PHACTR2: variants seen among roughly 807,000 people sequenced by gnomAD.
PHACTR2 encodes phosphatase and actin regulator 2.
PHACTR2 carries 30 observed loss-of-function variants against 76.0 expected under a neutral mutation model. That is an observed-to-expected ratio of 0.39 (90% confidence interval 0.30 to 0.54). The LOEUF (loss-of-function observed/expected upper bound fraction) is 0.54. Among genes scored for constraint, PHACTR2 ranks in the 20% least tolerant of loss-of-function variants. The probability of loss-of-function intolerance (pLI) is 0.61; values close to 1 mark genes in which losing one functional copy is unlikely to be tolerated. For synonymous variants in PHACTR2, 292 were observed against 292.5 expected (o/e 1.00, Z 0.02); for missense variants, 696 against 781.1 (o/e 0.89, Z 1.30).
Position 143,712,000 on chromosome 6 carries a change from A to G in PHACTR2, c.47-16A>G, listed in dbSNP as rs114435394. 3.8e-4 allele frequency: 616 copies of G among 1,602,798 alleles called. 1 individual carries two copies. The African/African-American group carries it at 7.5e-3, about 19-fold the overall frequency. Reference sequence around the variant, plus strand: ...TTTTTTACAACCTTTCTCTGTCTATATCTTTCTTTATACAGTTGACGGACT... The same window carrying G: ...TTTTTTACAACCTTTCTCTGTCTATGTCTTTCTTTATACAGTTGACGGACT... On this transcript the variant is annotated splice_polypyrimidine_tract_variant and intron_variant, in intron 1 of 12. Transcript: ENST00000440869.
chr6:143,733,251 C>T lies in PHACTR2; in HGVS notation c.215-15734C>T, dbSNP rs1024924889. Among the ~76,000 whole-genome samples the T allele has an allele frequency of 1.5e-4, 23 of 151,978 alleles. No individual in the cohort carries two copies. Among genetic ancestry groups the T allele is most frequent in the Admixed American group, 3.3e-4 (5 of 15,252 alleles). ...TTTCATTTTCCATAGCACATTTTACCGTCTAACATCTATAAATTATTTCTA... is the reference window on the plus strand; with the variant it reads ...TTTCATTTTCCATAGCACATTTTACTGTCTAACATCTATAAATTATTTCTA... On this transcript the variant is annotated intron_variant, in intron 2 of 12. Transcript: ENST00000440869. This position sits in a 1 kb window ranked among gnomAD's most constrained non-coding sequence, Gnocchi z 4.0.
rs1393080741 is a variant in PHACTR2 at position 143,791,378 on chromosome 6, T to G, written c.1845+2468T>G. 1.3e-5 allele frequency among the ~76,000 whole-genome samples: 2 copies of G among 152,236 alleles called. No homozygotes were observed. Among genetic ancestry groups the G allele is most frequent in the African/African-American group, 2.4e-5 (1 of 41,464 alleles). On this transcript the variant is annotated intron_variant, in intron 11 of 12. Coordinates refer to ENST00000440869, the MANE Select transcript of PHACTR2 (RefSeq NM_001100164.2). The surrounding 1 kb of genome is among the most constrained non-coding windows in gnomAD (Gnocchi z 4.7). Reference sequence around the variant, plus strand: ...ACTGAAGGTTAGAAATGACTCTGTGTGTCAGTGATTTGCAACCTTGGCTAC... The same window carrying G: ...ACTGAAGGTTAGAAATGACTCTGTGGGTCAGTGATTTGCAACCTTGGCTAC...
rs553733711 is a variant in PHACTR2 at position 143,646,170 on chromosome 6, G to T, written c.13+37848G>T. Among the ~76,000 whole-genome samples, 21 of 152,104 alleles carry T rather than the reference G, an allele frequency of 1.4e-4. No homozygotes were observed. The South Asian group carries it at 4.2e-3, about 30-fold the overall frequency. On this transcript the variant is annotated intron_variant, in intron 1 of 11. Transcript: ENST00000305766. The surrounding 1 kb of genome is among the most constrained non-coding windows in gnomAD (Gnocchi z 4.1). ...CTCTTATGTCTGAGGTCATAGGCTG[G>T]GTACAAGAGAGGTATAAATTAGGCT...
intron 1 of PHACTR2, among the ~76,000 whole-genome samples, chr6:143,661,646 A>G (rs1297625056): frequency 6.7e-6 from 1 of 148,966 alleles, no homozygotes; most frequent in Non-Finnish European, 1.5e-5. Context: ...ACAACCTCCT[A>G]TTCCCAGGTT....
At position 143,658,511 on chromosome 6, in the gene PHACTR2, G is replaced by A. The variant is rs1776889084; in HGVS notation, c.13+50189G>A. On this transcript the variant is annotated intron_variant, in intron 1 of 11. Coordinates refer to the PHACTR2 transcript ENST00000305766. This position sits in a 1 kb window ranked among gnomAD's most constrained non-coding sequence, Gnocchi z 4.1. The stretch of plus-strand genomic sequence containing the variant: ...AGTGATTTTGTCATTGTGTAAACAT[G>A]ATAGAGTGTATTTTAACAAACCTGG... Among the ~76,000 whole-genome samples the A allele has an allele frequency of 6.6e-6, 1 of 152,146 alleles. No individual in the cohort carries two copies. Among genetic ancestry groups the A allele is most frequent in the African/African-American group, 2.4e-5 (1 of 41,430 alleles).
chr6:143,770,142 CAT>C (rs1319336319), intron 6 of PHACTR2, among the ~76,000 whole-genome samples: 1 of 152,142 alleles, frequency 6.6e-6, no homozygotes, highest in African/African-American at 2.4e-5. Context: ...GTGTTATATA[CAT>C]AGAGTGGAAT....
chr6:143,738,196 G>A lies in PHACTR2; in HGVS notation c.215-10789G>A, dbSNP rs925456092. ...GGAGTCCTAGGCAGGCGGATCACAA[G>A]GTCAGGAGTTCGAAACCAGTGGGGG... On this transcript the variant is annotated intron_variant, in intron 2 of 12. Transcript: ENST00000440869. This position sits in a 1 kb window ranked among gnomAD's most constrained non-coding sequence, Gnocchi z 4.0. 2.4e-4 allele frequency among the ~76,000 whole-genome samples: 36 copies of A among 152,228 alleles called. No individual in the cohort carries two copies. The highest frequency in any genetic ancestry group is 8.7e-4 in the African/African-American group (36 of 41,534).
At position 143,760,352 on chromosome 6, in the gene PHACTR2, A is replaced by G. The variant is rs1779406061; in HGVS notation, c.455-49A>G. The stretch of plus-strand genomic sequence containing the variant: ...GTCATGTCTTGCTCCTTGTGTTTAT[A>G]TGGTGTGTGTCTGTATCAGTCTGCT... On this transcript the variant is annotated intron_variant, in intron 4 of 12. Transcript: ENST00000440869. This position sits in a 1 kb window ranked among gnomAD's most constrained non-coding sequence, Gnocchi z 6.4. 6.5e-7 allele frequency: 1 copy of G among 1,539,254 alleles called. No individual in the cohort carries two copies. Among genetic ancestry groups the G allele is most frequent in the South Asian group, 1.2e-5 (1 of 84,162 alleles).
At chr6:143,542,448 C>T (rs143138009) in intron 1 of PHACTR2, among the ~76,000 whole-genome samples, 66 of 152,296 alleles carry the variant, frequency 4.3e-4, no homozygotes, top group South Asian at 1.5e-3. Flanking sequence ...TCAGATTGCA[C>T]CTGACCTGGG....
Position 143,825,500 on chromosome 6 carries a change from G to A in PHACTR2, c.*1811G>A, listed in dbSNP as rs183670314. ...AGAGTCTGTTGTCATTTCACTAATAGGATAAGACAAATTTTTTGCTTTGAA... is the reference window on the plus strand; with the variant it reads ...AGAGTCTGTTGTCATTTCACTAATAAGATAAGACAAATTTTTTGCTTTGAA... On this transcript the variant is annotated 3_prime_UTR_variant, in exon 13 of 13. Coordinates refer to ENST00000440869, the MANE Select transcript of PHACTR2 (RefSeq NM_001100164.2). The surrounding 1 kb of genome is among the most constrained non-coding windows in gnomAD (Gnocchi z 4.1). The A allele has an allele frequency of 2.0e-5, 3 of 152,214 alleles. No individual in the cohort carries two copies. In the East Asian group the frequency reaches 5.8e-4, roughly 29 times the overall value. The allele number at this position is 152,214 out of a possible 1,614,324, so 9.4% of individuals were successfully genotyped here.
Position 143,580,666 on chromosome 6 carries a change from C to G in PHACTR2, c.217+43459C>G, listed in dbSNP as rs574529180. Reference sequence around the variant, plus strand: ...CCAGCCTGGGTGACAGAGCAAGACTCCGTCTCAAAAAATAAAATAAAATAA... The same window carrying G: ...CCAGCCTGGGTGACAGAGCAAGACTGCGTCTCAAAAAATAAAATAAAATAA... On this transcript the variant is annotated intron_variant, in intron 1 of 11. Transcript: ENST00000367584. The surrounding 1 kb of genome is among the most constrained non-coding windows in gnomAD (Gnocchi z 4.2). 9.2e-5 allele frequency among the ~76,000 whole-genome samples: 14 copies of G among 152,182 alleles called. No homozygotes were observed. The highest frequency in any genetic ancestry group is 3.4e-4 in the African/African-American group (14 of 41,514).
At position 143,743,755 on chromosome 6, in the gene PHACTR2, A is replaced by T. The variant is rs1562290627; in HGVS notation, c.215-5230A>T. ...ACAGTGAGGCCATTCAGTACTCAGA[A>T]CTGAGAAGATAGCATGGCACGCTTA... On this transcript the variant is annotated intron_variant, in intron 2 of 12. Coordinates refer to ENST00000440869, the MANE Select transcript of PHACTR2 (RefSeq NM_001100164.2). This position sits in a 1 kb window ranked among gnomAD's most constrained non-coding sequence, Gnocchi z 5.0. 5.3e-5 allele frequency among the ~76,000 whole-genome samples: 8 copies of T among 152,332 alleles called. No individual in the cohort carries two copies. In the South Asian group the frequency reaches 1.7e-3, roughly 32 times the overall value.
intron 1 of PHACTR2, among the ~76,000 whole-genome samples, chr6:143,620,993 G>A (rs1167655553): frequency 1.3e-5 from 2 of 152,174 alleles, no homozygotes; most frequent in Admixed American, 1.3e-4. Flanking sequence ...TTCCAATAGA[G>A]GCTCATTAAT....
rs1327027980 is a variant in PHACTR2, at chr6:143,791,732, C to T, written c.1845+2822C>T. ...TCTCCTTATAATTCTGTTAATTTTG[C>T]TTCATTTATTGTGAGGTGTATCATT... On this transcript the variant is annotated intron_variant, in intron 11 of 12. Transcript: ENST00000440869. The surrounding 1 kb of genome is among the most constrained non-coding windows in gnomAD (Gnocchi z 4.7). Among the ~76,000 whole-genome samples, 6 of 151,564 alleles carry T rather than the reference C, an allele frequency of 4.0e-5. No individual in the cohort carries two copies. The highest frequency in any genetic ancestry group is 8.8e-5 in the Non-Finnish European group (6 of 67,934).
At position 143,823,546 on chromosome 6, in the gene PHACTR2, A is replaced by C. The variant is rs1330157769; in HGVS notation, c.1923-128A>C. ...TATTTTGTTATGACAGAAATTTGTA[A>C]ACAGTAATTCAGTTGGGGGATATCT... On this transcript the variant is annotated intron_variant, in intron 12 of 12. Coordinates refer to ENST00000440869, the MANE Select transcript of PHACTR2 (RefSeq NM_001100164.2). This position sits in a 1 kb window ranked among gnomAD's most constrained non-coding sequence, Gnocchi z 5.7. 1 of 640,528 alleles carries C rather than the reference A, an allele frequency of 1.6e-6. No individual in the cohort carries two copies. Among genetic ancestry groups the C allele is most frequent in the Non-Finnish European group, 2.9e-6 (1 of 349,718 alleles). The allele number at this position is 640,528 out of a possible 1,614,324, so 39.7% of individuals were successfully genotyped here.
At chr6:143,612,809 C>A (rs1775998998) in intron 1 of PHACTR2, among the ~76,000 whole-genome samples, 1 of 101,344 alleles carries the variant, frequency 9.9e-6, no homozygotes, top group Admixed American at 9.0e-5. Flanking sequence ...TCATTCTTAT[C>A]CTCTGAAATG....
In PHACTR2 at chr6:143,764,382, A is replaced by G. The variant is rs1779506598; in HGVS notation, c.695-879A>G. ...AAAAATACATTAAAGTTAGCCAGGC[A>G]TGGTGGTACACACCTGTAGTCCCAG... On this transcript the variant is annotated intron_variant, in intron 5 of 12. Coordinates refer to ENST00000440869, the MANE Select transcript of PHACTR2 (RefSeq NM_001100164.2). The surrounding 1 kb of genome is among the most constrained non-coding windows in gnomAD (Gnocchi z 4.7). Among the ~76,000 whole-genome samples, 2 of 152,208 alleles carry G rather than the reference A, an allele frequency of 1.3e-5. No homozygotes were observed. The highest frequency in any genetic ancestry group is 6.5e-5 in the Admixed American group (1 of 15,294).
At chr6:143,577,493 G>C (rs1775528106) in intron 1 of PHACTR2, among the ~76,000 whole-genome samples, 1 of 152,086 alleles carries the variant, frequency 6.6e-6, no homozygotes, top group Non-Finnish European at 1.5e-5. Flanking sequence ...GCAAAAAAAG[G>C]TGTGAAAAAA....
In PHACTR2 at chr6:143,548,032, G is replaced by T. The variant is rs761566352; in HGVS notation, c.217+10825G>T. On this transcript the variant is annotated intron_variant, in intron 1 of 11. Coordinates refer to the PHACTR2 transcript ENST00000367584. This position sits in a 1 kb window ranked among gnomAD's most constrained non-coding sequence, Gnocchi z 4.5. ...CTACTATAACAAACTGTCATAGACT[G>T]GTTGGCTTATAAATAAGAGAAGTTT... Among the ~76,000 whole-genome samples, 1 of 152,056 alleles carries T rather than the reference G, an allele frequency of 6.6e-6. No individual in the cohort carries two copies. The highest frequency in any genetic ancestry group is 1.5e-5 in the Non-Finnish European group (1 of 68,008).
Sources: gnomAD v4.1 joint callset for allele counts (sites outside exome capture counted in the v4.1 genomes callset) on GRCh38, gnomAD v4.1.1 for gene constraint, Gnocchi (gnomAD v3.1) non-coding constraint, MANE v1.5 for transcripts, NCBI Gene and HGNC (gene_info 2026-07-23, HGNC 2026-07-21) for gene names.